The following TAB1 variants were observed in gnomAD, a reference collection of about 807,000 sequenced individuals.
TAB1 encodes the protein TGF-beta-activated kinase 1 and MAP3K7-binding protein 1.
A neutral mutation model predicts 54.5 loss-of-function variants in TAB1; 30 were observed. The observed-to-expected ratio is 0.55, with a 90% CI of 0.41 to 0.75. TAB1 has a LOEUF of 0.75. Among genes scored for constraint, TAB1 ranks in the 30% least tolerant of loss-of-function variants. The pLI, the probability that TAB1 is intolerant of heterozygous loss-of-function variation, is 0.00. For missense variants in TAB1, 609 were observed against 683.2 expected, an observed-to-expected ratio of 0.89 and a Z score of 1.21; for synonymous variants, 289 against 286.9, an observed-to-expected ratio of 1.01 and a Z score of -0.07.
intron 6 of TAB1, 47 bp downstream of exon 6, chr22:39,418,892 C>A: frequency 6.8e-7 from 1 of 1,469,690 alleles, no homozygotes; most frequent in Non-Finnish European, 9.5e-7. Context: ...TGGGCTCACC[C>A]TTCGCCTGCC....
chr22:39,409,905 A>C lies in TAB1; in HGVS notation c.34-5101A>C, dbSNP rs373540813. 1.7e-4 allele frequency among the ~76,000 whole-genome samples: 26 copies of C among 152,336 alleles called. No homozygotes were observed. In the East Asian group the frequency reaches 2.9e-3, roughly 17 times the overall value. On this transcript the variant is annotated intron_variant, in intron 1 of 10. Transcript: ENST00000216160. ...TCTCTTCTGTGTCCGCAGTACCCAG[A>C]ATACTGCCAGACTGTTGCAAATGCT...
Position 39,416,864 on chromosome 22 carries a change from C to T in TAB1, c.398C>T (p.Ser133Leu), listed in dbSNP as rs1267354441. ...TTGGCTGAGAAGGCAAGCCTCCAGT[C>T]GCAATTGCCAGAGGTAATTTCCCCA... Reference protein sequence around the residue: ...DALAEKASLQSQLPEGVPQHQ... With the variant: ...DALAEKASLQLQLPEGVPQHQ... The change falls in exon 4 of 11, where the codon TCG becomes TTG. Residue 133 changes from serine (S) to leucine (L), a missense_variant. Coordinates refer to ENST00000216160, the MANE Select transcript of TAB1 (RefSeq NM_006116.3). The T allele has an allele frequency of 6.2e-7, 1 of 1,614,174 alleles. No homozygotes were observed. The highest frequency in any genetic ancestry group is 8.5e-7 in the Non-Finnish European group (1 of 1,180,036).
At position 39,424,682 on chromosome 22, in the gene TAB1, A is replaced by G. The variant is rs558342820; in HGVS notation, c.922-2021A>G. Among the ~76,000 whole-genome samples the G allele has an allele frequency of 2.6e-5, 4 of 152,190 alleles. No homozygotes were observed. In the East Asian group the frequency reaches 7.7e-4, roughly 29 times the overall value. The stretch of plus-strand genomic sequence containing the variant: ...AGGCTTATCTTGAACTCGTAACCTC[A>G]GATGATCCACCTGCCTTGGCCTCCC... On this transcript the variant is annotated intron_variant, in intron 8 of 10. Transcript: ENST00000216160.
At chr22:39,404,373 C>T (rs1926273923) in intron 1 of TAB1, among the ~76,000 whole-genome samples, 1 of 151,956 alleles carries the variant, frequency 6.6e-6, no homozygotes, top group South Asian at 2.1e-4. Flanking sequence ...CACTTGAGGC[C>T]AGGAGTTCCA....
downstream of TAB1, chr22:39,432,651 A>C: frequency 1.4e-6 from 1 of 708,204 alleles, no homozygotes; most frequent in Non-Finnish European, 1.7e-6. Context: ...CCCGAGAGAG[A>C]GAGAGAGACA....
intron 1 of TAB1, among the ~76,000 whole-genome samples, chr22:39,407,269 C>T (rs935593316): frequency 6.6e-6 from 1 of 152,100 alleles, no homozygotes; most frequent in Non-Finnish European, 1.5e-5. Context: ...TCTATCCTGC[C>T]GCCTAACTGA....
At chr22:39,411,820 G>A (rs1926618286) in intron 1 of TAB1, among the ~76,000 whole-genome samples, 1 of 152,152 alleles carries the variant, frequency 6.6e-6, no homozygotes, top group Non-Finnish European at 1.5e-5. Flanking sequence ...AAACGAAACA[G>A]CCCAAATGTC....
rs35064716 is a variant in TAB1, at chr22:39,430,356, G to A, written c.*134G>A. On this transcript the variant is annotated 3_prime_UTR_variant, in exon 11 of 11. Coordinates refer to ENST00000216160, the MANE Select transcript of TAB1 (RefSeq NM_006116.3). Reference sequence around the variant, plus strand: ...TGCCCACAGCAGACTCTGTCCCATGGCTCTCCGGGCAGTAGAGTGTGTGAG... The same window carrying A: ...TGCCCACAGCAGACTCTGTCCCATGACTCTCCGGGCAGTAGAGTGTGTGAG... The A allele has an allele frequency of 8.9e-3, 13,383 of 1,495,854 alleles. 979 individuals carry two copies. The African/African-American group carries it at 0.16, about 18-fold the overall frequency. 92.7% of individuals were successfully genotyped at this position (1,495,854 alleles called of 1,614,324 possible). A position where few individuals can be genotyped will look rare whatever the true frequency, so the allele number is the denominator to read the frequency against.
At chr22:39,421,745 A>T in intron 7 of TAB1, 82 bp from the exon 8 acceptor site, 1 of 1,449,886 alleles carries the variant, frequency 6.9e-7, no homozygotes. Context: ...CATTCTGGGC[A>T]TAGATTCCTC....
At position 39,431,456 on chromosome 22, in the gene TAB1, C is replaced by G; in HGVS notation, c.*1234C>G. 1 of 985,794 alleles carries G rather than the reference C, an allele frequency of 1.0e-6. No individual in the cohort carries two copies. The highest frequency in any genetic ancestry group is 1.2e-6 in the Non-Finnish European group (1 of 830,162). 61.1% of individuals were successfully genotyped at this position (985,794 alleles called of 1,614,324 possible). ...GACCCCCCGGATTCTCCACGCCCTCCCCATCTCCCAGTCTCCCTGCCCCCC... is the reference window on the plus strand; with the variant it reads ...GACCCCCCGGATTCTCCACGCCCTCGCCATCTCCCAGTCTCCCTGCCCCCC... On this transcript the variant is annotated 3_prime_UTR_variant, in exon 11 of 11. Transcript: ENST00000216160.
downstream of TAB1, chr22:39,433,511 G>A (rs112840112): frequency 2.3e-4 from 224 of 985,208 alleles, no homozygotes; most frequent in Admixed American, 3.7e-4. Context: ...CTGGCTTGAC[G>A]GAGGTCCTGG....
At chr22:39,418,556 T>A (rs1389979672) in intron 5 of TAB1, among the ~76,000 whole-genome samples, 176 bp from the exon 6 acceptor site, 1 of 152,132 alleles carries the variant, frequency 6.6e-6, no homozygotes, top group African/African-American at 2.4e-5. Context: ...TAAACCCAAT[T>A]CTTTCGTATC....
At chr22:39,417,422 C>T (rs1926880984) in intron 4 of TAB1, among the ~76,000 whole-genome samples, 1 of 152,282 alleles carries the variant, frequency 6.6e-6, no homozygotes, top group East Asian at 1.9e-4. Flanking sequence ...AGATCAAGAC[C>T]ATCCTGGCTA....
At chr22:39,404,830 C>T (rs928800398) in intron 1 of TAB1, among the ~76,000 whole-genome samples, 2 of 152,054 alleles carry the variant, frequency 1.3e-5, no homozygotes, top group African/African-American at 4.8e-5. Context: ...TTTAGGATGA[C>T]GACATGGAGA....
intron 7 of TAB1, among the ~76,000 whole-genome samples, chr22:39,419,881 C>T (rs936891107): frequency 1.3e-5 from 2 of 152,034 alleles, no homozygotes; most frequent in African/African-American, 2.4e-5. Flanking sequence ...CCCAGGCAAA[C>T]TCTTTCTTCC....
At chr22:39,417,912 C>T in intron 5 of TAB1, 63 bp downstream of exon 5, 1 of 1,520,662 alleles carries the variant, frequency 6.6e-7, no homozygotes, top group South Asian at 1.3e-5. Context: ...GGGGTCGGTG[C>T]ATTATTTGAC....
chr22:39,405,559 G>A (rs1926325293), intron 1 of TAB1, among the ~76,000 whole-genome samples: 1 of 152,202 alleles, frequency 6.6e-6, no homozygotes, highest in Admixed American at 6.5e-5. Context: ...CTCACGGCTG[G>A]TGCTGGCAGG....
downstream of TAB1, chr22:39,436,691 G>A (rs954153956): frequency 1.1e-5 from 9 of 785,832 alleles, no homozygotes; most frequent in Admixed American, 4.4e-5. Context: ...CCCCCTCCCC[G>A]GGACTGGGCA....
rs981870829 is a variant in TAB1 at position 39,405,111 on chromosome 22, G to A, written c.33+5276G>A. On this transcript the variant is annotated intron_variant, in intron 1 of 10. Coordinates refer to ENST00000216160, the MANE Select transcript of TAB1 (RefSeq NM_006116.3). ...TAGCATAATTTGGTATTCAAGCTGTGGCCTGAGCTTGGAACCATTCTTTGT... is the reference window on the plus strand; with the variant it reads ...TAGCATAATTTGGTATTCAAGCTGTAGCCTGAGCTTGGAACCATTCTTTGT... Among the ~76,000 whole-genome samples the A allele has an allele frequency of 3.3e-5, 5 of 152,168 alleles. 1 individual carries two copies. Among genetic ancestry groups the A allele is most frequent in the Middle Eastern group, 6.3e-3 (2 of 316 alleles).
Sources: allele counts gnomAD v4.1 joint callset (sites outside exome capture counted in the v4.1 genomes callset), GRCh38; gene constraint gnomAD v4.1.1; transcripts MANE v1.5; gene names NCBI Gene and HGNC (gene_info 2026-07-23, HGNC 2026-07-21).